Variants in SNX16 observed in about 807,000 individuals in gnomAD.
SNX16 encodes sorting nexin 16.
Under a neutral mutation model 36.7 loss-of-function variants are expected in SNX16, and 35 were observed. That is an observed-to-expected ratio of 0.95 (90% CI 0.73 to 1.27). The LOEUF is 1.27. Among genes scored for constraint, SNX16 ranks in the 50% most tolerant of loss-of-function variants. The pLI is 0.00. For missense variants in SNX16, 367 were observed against 393.6 expected, an observed-to-expected ratio of 0.93 and a Z score of 0.57; for synonymous variants, 134 against 132.0, an observed-to-expected ratio of 1.02 and a Z score of -0.10.
chr8:81,803,749 G>A (rs1275642297), intron 5 of SNX16, among the ~76,000 whole-genome samples: 2 of 151,648 alleles, frequency 1.3e-5, no homozygotes, highest in African/African-American at 4.8e-5. Context: ...GGAAGTAAGT[G>A]ACAAAAAGTG....
At position 81,801,334 on chromosome 8, in the gene SNX16, C is replaced by T; in HGVS notation, c.*163G>A. The T allele has an allele frequency of 2.4e-6, 1 of 415,974 alleles. No individual in the cohort carries two copies. The allele number at this position is 415,974 out of a possible 1,614,324, so 25.8% of individuals were successfully genotyped here. On this transcript the variant is annotated 3_prime_UTR_variant, in exon 8 of 8. Coordinates refer to ENST00000345957, the MANE Select transcript of SNX16 (RefSeq NM_152836.3). ...ATTAAAAGCAGCAGTGAATATATTT[C>T]CTATCTCAATAACTTAAAAAAACTT...
At chr8:81,818,306 C>T (rs988483099) in intron 4 of SNX16, among the ~76,000 whole-genome samples, 5 of 152,024 alleles carry the variant, frequency 3.3e-5, no homozygotes, top group Admixed American at 2.6e-4. Flanking sequence ...CTAAGATTAA[C>T]TTCTCTGAAT....
intron 2 of SNX16, among the ~76,000 whole-genome samples, chr8:81,838,799 A>G (rs891590925): frequency 1.4e-4 from 21 of 152,112 alleles, no homozygotes; most frequent in African/African-American, 5.1e-4. Context: ...TTGTTTATCA[A>G]ATGTATTATT....
At chr8:81,824,943 C>T (rs1175541190) in intron 3 of SNX16, among the ~76,000 whole-genome samples, 1 of 152,150 alleles carries the variant, frequency 6.6e-6, no homozygotes, top group Non-Finnish European at 1.5e-5. Context: ...GTGGATGATG[C>T]TGGCTGCTGG....
intron 4 of SNX16, among the ~76,000 whole-genome samples, chr8:81,823,285 T>C (rs935855): frequency 0.4 from 61,000 of 151,654 alleles, 12,983 homozygotes; most frequent in African/African-American, 0.49. Context: ...CTTGTAAATA[T>C]ATTCTGAAGC....
intron 1 of SNX16, among the ~76,000 whole-genome samples, chr8:81,840,839 TTG>T (rs1283462898): frequency 6.6e-6 from 1 of 152,248 alleles, no homozygotes; most frequent in African/African-American, 2.4e-5. Flanking sequence ...CCAGTATATC[TTG>T]TGTCAGAATA....
chr8:81,823,688 C>T, intron 4 of SNX16, 104 bp downstream of exon 4: 1 of 985,172 alleles, frequency 1.0e-6, no homozygotes, highest in Non-Finnish European at 1.4e-6. Flanking sequence ...TATACTCCAA[C>T]CCTGTATTTT....
At position 81,799,984 on chromosome 8, in the gene SNX16, G is replaced by C. The variant is rs1275131426; in HGVS notation, c.*1513C>G. ...TGATACACATTGTGAAAAATGTTCT[G>C]AGAACATACCTGTGCACTTTGACAG... On this transcript the variant is annotated 3_prime_UTR_variant, in exon 8 of 8. Transcript: ENST00000345957. 7.8e-6 allele frequency: 1 copy of C among 127,616 alleles called. No homozygotes were observed. The highest frequency in any genetic ancestry group is 1.6e-5 in the Non-Finnish European group (1 of 60,996). The allele number at this position is 127,616 out of a possible 1,614,324, so 7.9% of individuals were successfully genotyped here.
chr8:81,828,781 C>T (rs1811119524), intron 3 of SNX16, among the ~76,000 whole-genome samples: 1 of 152,172 alleles, frequency 6.6e-6, no homozygotes, highest in African/African-American at 2.4e-5. Flanking sequence ...AAGAACTTGG[C>T]TCACTGTTGC....
intron 5 of SNX16, among the ~76,000 whole-genome samples, chr8:81,811,482 T>C (rs1322359789): frequency 2.0e-5 from 3 of 152,170 alleles, no homozygotes; most frequent in Non-Finnish European, 4.4e-5. Flanking sequence ...AAAATCTTAC[T>C]AGTTTGAGGT....
chr8:81,824,743 A>G (rs1291609856), intron 3 of SNX16, among the ~76,000 whole-genome samples: 1 of 152,184 alleles, frequency 6.6e-6, no homozygotes, highest in Non-Finnish European at 1.5e-5. Context: ...TGTGTAACAA[A>G]TTACCTAAAA....
intron 4 of SNX16, 61 bp from the exon 5 acceptor site, chr8:81,815,455 A>C: frequency 4.9e-6 from 7 of 1,433,234 alleles, no homozygotes; most frequent in Non-Finnish European, 6.8e-6. Flanking sequence ...GATAGCAAAA[A>C]GCAAAAGTTA....
chr8:81,839,461 A>G (rs546380844), intron 2 of SNX16, 151 bp downstream of exon 2: 10 of 819,444 alleles, frequency 1.2e-5, no homozygotes, highest in African/African-American at 1.7e-5. Flanking sequence ...AGTTTACTAC[A>G]ACATGATAGA....
chr8:81,810,876 A>T (rs774468), intron 5 of SNX16, among the ~76,000 whole-genome samples: 4 of 151,984 alleles, frequency 2.6e-5, no homozygotes, highest in African/African-American at 7.2e-5. Flanking sequence ...ATGCCGATAG[A>T]GTGTATGAGA....
chr8:81,835,276 A>T (rs868097163), intron 2 of SNX16, among the ~76,000 whole-genome samples: 1 of 152,090 alleles, frequency 6.6e-6, no homozygotes, highest in African/African-American at 2.4e-5. Flanking sequence ...CAGTCCACAA[A>T]ACCACGTTTT....
chr8:81,826,711 A>G (rs1399823653), intron 3 of SNX16, among the ~76,000 whole-genome samples: 1 of 152,194 alleles, frequency 6.6e-6, no homozygotes, highest in Non-Finnish European at 1.5e-5. Context: ...AAATAAAACA[A>G]AAAGAAAATA....
At chr8:81,837,977 A>C (rs56148400) in intron 2 of SNX16, among the ~76,000 whole-genome samples, 1 of 152,214 alleles carries the variant, frequency 6.6e-6, no homozygotes, top group Admixed American at 6.5e-5. Flanking sequence ...TGAAACATTG[A>C]AGTAAACATT....
At chr8:81,837,115 C>T (rs1455901806) in intron 2 of SNX16, among the ~76,000 whole-genome samples, 1 of 152,208 alleles carries the variant, frequency 6.6e-6, no homozygotes, top group Non-Finnish European at 1.5e-5. Flanking sequence ...AACTCCCTGT[C>T]TTCCTTCTCT....
intron 5 of SNX16, among the ~76,000 whole-genome samples, chr8:81,811,284 A>C (rs1810235147): frequency 6.6e-6 from 1 of 152,192 alleles, no homozygotes; most frequent in South Asian, 2.1e-4. Context: ...CGATATATCT[A>C]TGGGGCCTTG....
Sources: allele counts gnomAD v4.1 joint callset (sites outside exome capture counted in the v4.1 genomes callset), GRCh38; gene constraint gnomAD v4.1.1; transcripts MANE v1.5; gene names NCBI Gene and HGNC (gene_info 2026-07-23, HGNC 2026-07-21).